CCSER1: variants seen among roughly 807,000 people sequenced by gnomAD.
CCSER1 encodes the protein serine-rich coiled-coil domain-containing protein 1.
A neutral mutation model predicts 82.0 loss-of-function variants in CCSER1; 41 were observed. The observed-to-expected ratio is 0.50, with a 90% CI of 0.39 to 0.65. The LOEUF is 0.65. CCSER1 is among the 30% of genes least tolerant of loss of function. The pLI, the probability that CCSER1 is intolerant of heterozygous loss-of-function variation, is 0.00. For missense variants in CCSER1, 1,119 were observed against 1,064.2 expected (o/e 1.05, Z -0.72); for synonymous variants, 414 against 383.9 (o/e 1.08, Z -0.92).
chr4:90,298,634 G>A (rs1042826191), intron 1 of CCSER1, among the ~76,000 whole-genome samples: 1 of 152,032 alleles, frequency 6.6e-6, no homozygotes, highest in African/African-American at 2.4e-5. Context: ...GGCATTTAGT[G>A]CTATAAATTT....
At chr4:90,443,006 G>A (rs185961420) in intron 4 of CCSER1, among the ~76,000 whole-genome samples, 1 of 152,210 alleles carries the variant, frequency 6.6e-6, no homozygotes, top group African/African-American at 2.4e-5. Flanking sequence ...AATGCTGATA[G>A]TTCCAACCCT....
intron 10 of CCSER1, among the ~76,000 whole-genome samples, chr4:91,111,238 A>G (rs1433194895): frequency 6.6e-6 from 1 of 152,022 alleles, no homozygotes; most frequent in Non-Finnish European, 1.5e-5. Flanking sequence ...AGGTCTGCAG[A>G]CACTCATCAC....
chr4:91,044,680 C>T (rs1216589712), intron 9 of CCSER1, among the ~76,000 whole-genome samples: 1 of 152,160 alleles, frequency 6.6e-6, no homozygotes, highest in Non-Finnish European at 1.5e-5. Flanking sequence ...CCTGGAATTA[C>T]TTTACCTCAT....
chr4:90,962,094 G>C (rs1257456123), intron 9 of CCSER1, among the ~76,000 whole-genome samples: 1 of 151,950 alleles, frequency 6.6e-6, no homozygotes, highest in Non-Finnish European at 1.5e-5. Context: ...CATTTGAGAA[G>C]AACTGAGATT....
rs1578627111 is a variant in CCSER1 at position 91,498,252 on chromosome 4, C to G, written c.2218-100320C>G. Among the ~76,000 whole-genome samples, 4 of 152,064 alleles carry G rather than the reference C, an allele frequency of 2.6e-5. No individual in the cohort carries two copies. In the East Asian group the frequency reaches 7.7e-4, roughly 29 times the overall value. On this transcript the variant is annotated intron_variant, in intron 10 of 10. Transcript: ENST00000509176. ...AATTTAGATATTTCACTTCTCCTTTCTTCTTTAGCTGGAAAGTAATTCAGT... is the reference window on the plus strand; with the variant it reads ...AATTTAGATATTTCACTTCTCCTTTGTTCTTTAGCTGGAAAGTAATTCAGT...
chr4:90,990,973 A>G, intron 9 of CCSER1, among the ~76,000 whole-genome samples: 1 of 151,934 alleles, frequency 6.6e-6, no homozygotes. Context: ...GTGTGATCAG[A>G]TCGCAAGGAG....
At chr4:90,706,945 A>T (rs1739467597) in intron 6 of CCSER1, among the ~76,000 whole-genome samples, 1 of 152,166 alleles carries the variant, frequency 6.6e-6, no homozygotes, top group South Asian at 2.1e-4. Context: ...CATACCCATC[A>T]TGTTATGAAG....
intron 1 of CCSER1, among the ~76,000 whole-genome samples, chr4:90,204,680 T>A (rs1024890246): frequency 2.6e-5 from 4 of 152,102 alleles, no homozygotes; most frequent in African/African-American, 9.7e-5. Context: ...ATGTGGGCTC[T>A]TTTTTGGTTC....
At chr4:90,198,684 A>T (rs1363107288) in intron 1 of CCSER1, among the ~76,000 whole-genome samples, 1 of 152,122 alleles carries the variant, frequency 6.6e-6, no homozygotes, top group Admixed American at 6.6e-5. Context: ...TGACCTTTAA[A>T]TTTCAAAAGA....
chr4:90,514,548 G>C (rs538619500), intron 5 of CCSER1, among the ~76,000 whole-genome samples: 1 of 152,046 alleles, frequency 6.6e-6, no homozygotes, highest in Admixed American at 6.6e-5. Context: ...CTGAGGTTAG[G>C]AGTTTGAGAC....
At chr4:90,607,586 C>G (rs532480856) in intron 5 of CCSER1, among the ~76,000 whole-genome samples, 8 of 152,222 alleles carry the variant, frequency 5.3e-5, no homozygotes, top group South Asian at 2.1e-4. Flanking sequence ...GGTGTTCTCC[C>G]TGTGTTTTGT....
intron 1 of CCSER1, among the ~76,000 whole-genome samples, chr4:90,243,605 C>G (rs1179794576): frequency 6.6e-6 from 1 of 151,704 alleles, no homozygotes; most frequent in African/African-American, 2.4e-5. Flanking sequence ...CCAGGCTAGT[C>G]TTGAACTCCT....
chr4:90,904,622 G>A (rs887369771), intron 8 of CCSER1, among the ~76,000 whole-genome samples: 4 of 152,074 alleles, frequency 2.6e-5, no homozygotes, highest in Non-Finnish European at 4.4e-5. Context: ...GTGGAGGAAG[G>A]TAAAGTTCCC....
At chr4:90,453,771 G>A (rs1002926413) in intron 4 of CCSER1, among the ~76,000 whole-genome samples, 1 of 144,208 alleles carries the variant, frequency 6.9e-6, no homozygotes, top group African/African-American at 2.7e-5. Flanking sequence ...AAACTATTGG[G>A]TTAAAGGCTT....
chr4:90,771,223 C>G (rs1049361579), intron 7 of CCSER1, among the ~76,000 whole-genome samples: 1 of 151,796 alleles, frequency 6.6e-6, no homozygotes, highest in Non-Finnish European at 1.5e-5. Context: ...AATGAAATAT[C>G]CCTTCATTCG....
intron 10 of CCSER1, among the ~76,000 whole-genome samples, chr4:91,516,853 A>G (rs1264467310): frequency 1.3e-5 from 2 of 151,896 alleles, no homozygotes; most frequent in Admixed American, 1.3e-4. Context: ...GTGTTTTCCC[A>G]TTTGTTTGTG....
intron 10 of CCSER1, among the ~76,000 whole-genome samples, chr4:91,418,716 A>G (rs936637400): frequency 1.3e-5 from 2 of 152,070 alleles, no homozygotes; most frequent in Non-Finnish European, 2.9e-5. Context: ...AAACTCATTT[A>G]CTATGCTAGC....
At chr4:91,595,285 A>G (rs1481824996) in intron 10 of CCSER1, among the ~76,000 whole-genome samples, 1 of 152,072 alleles carries the variant, frequency 6.6e-6, no homozygotes, top group Admixed American at 6.6e-5. Flanking sequence ...TTCATTCTCT[A>G]TAGTTGTTGG....
chr4:90,966,576 C>G (rs767215841), intron 9 of CCSER1, among the ~76,000 whole-genome samples: 4 of 152,032 alleles, frequency 2.6e-5, no homozygotes, highest in Non-Finnish European at 5.9e-5. Context: ...GGAAACCTGC[C>G]TTATAAGAAA....
Sources: allele counts gnomAD v4.1 joint callset (sites outside exome capture counted in the v4.1 genomes callset), GRCh38; gene constraint gnomAD v4.1.1; transcripts MANE v1.5; gene names NCBI Gene and HGNC (gene_info 2026-07-23, HGNC 2026-07-21).